Variants in DGKB observed in about 807,000 individuals in gnomAD.
DGKB encodes the protein diacylglycerol kinase beta.
DGKB carries 67 observed loss-of-function variants against 114.3 expected under a neutral mutation model. The observed-to-expected ratio is 0.59, with a 90% CI of 0.48 to 0.72. The LOEUF (loss-of-function observed/expected upper bound fraction) is 0.72. DGKB is among the 30% of genes least tolerant of loss of function. The pLI, the probability that DGKB is intolerant of heterozygous loss-of-function variation, is 0.00. For missense variants in DGKB, 907 were observed against 975.2 expected (o/e 0.93, Z 0.93); for synonymous variants, 398 against 323.1 (o/e 1.23, Z -2.49).
chr7:14,952,870 T>C (rs1786281871), intron 1 of DGKB, among the ~76,000 whole-genome samples: 1 of 152,130 alleles, frequency 6.6e-6, no homozygotes, highest in Admixed American at 6.6e-5. Context: ...GAGGATATTA[T>C]ATAAATCAAT....
At chr7:14,428,018 G>T (rs924633365) in intron 21 of DGKB, among the ~76,000 whole-genome samples, 18 of 151,510 alleles carry the variant, frequency 1.2e-4, no homozygotes, top group Non-Finnish European at 2.2e-4. Context: ...TCTATTGATG[G>T]TTCATTTATT....
At chr7:14,658,354 G>A (rs1361776579) in intron 13 of DGKB, among the ~76,000 whole-genome samples, 1 of 151,992 alleles carries the variant, frequency 6.6e-6, no homozygotes, top group Non-Finnish European at 1.5e-5. Context: ...TCATATGTGG[G>A]AGTTAAAAAG....
At chr7:14,367,002 G>C (rs1292941761) in intron 21 of DGKB, among the ~76,000 whole-genome samples, 3 of 152,108 alleles carry the variant, frequency 2.0e-5, no homozygotes, top group Non-Finnish European at 4.4e-5. Context: ...TGTGAAAGCA[G>C]TGCACATTCA....
intron 21 of DGKB, among the ~76,000 whole-genome samples, chr7:14,355,871 C>A (rs1814369793): frequency 6.6e-6 from 1 of 152,170 alleles, no homozygotes; most frequent in Non-Finnish European, 1.5e-5. Flanking sequence ...CCTCCTCGTA[C>A]CTCTGGTAGA....
intron 5 of DGKB, among the ~76,000 whole-genome samples, chr7:14,730,499 C>A (rs1413667557): frequency 6.6e-6 from 1 of 152,042 alleles, no homozygotes; most frequent in Non-Finnish European, 1.5e-5. Flanking sequence ...GCGATAAGGG[C>A]AAAGAAACAT....
intron 20 of DGKB, among the ~76,000 whole-genome samples, chr7:14,565,476 A>C (rs1266745383): frequency 6.6e-6 from 1 of 152,182 alleles, no homozygotes; most frequent in Non-Finnish European, 1.5e-5. Context: ...AATTCTCCCT[A>C]AGTGAGATAG....
intron 20 of DGKB, among the ~76,000 whole-genome samples, chr7:14,482,409 T>C (rs1470753732): frequency 4.6e-5 from 7 of 152,058 alleles, no homozygotes; most frequent in Non-Finnish European, 1.5e-5. Context: ...TGCATTCATA[T>C]ATGATAAATT....
chr7:14,888,011 T>C (rs1780583838), intron 1 of DGKB, among the ~76,000 whole-genome samples: 1 of 151,712 alleles, frequency 6.6e-6, no homozygotes, highest in Non-Finnish European at 1.5e-5. Context: ...ATTAAATGCT[T>C]TTTGGCTGCT....
chr7:14,435,671 G>A (rs1027417278), intron 21 of DGKB, among the ~76,000 whole-genome samples: 1 of 151,982 alleles, frequency 6.6e-6, no homozygotes, highest in Admixed American at 6.6e-5. Context: ...TTGTGCCCAT[G>A]TCCACATACT....
At chr7:14,699,660 T>C (rs1313299800) in intron 7 of DGKB, among the ~76,000 whole-genome samples, 1 of 152,138 alleles carries the variant, frequency 6.6e-6, no homozygotes, top group East Asian at 1.9e-4. Flanking sequence ...ACCTTAAAGG[T>C]ACCAAGACAC....
In DGKB at chr7:14,308,142, T is replaced by C. The variant is rs543975781; in HGVS notation, c.2122+30373A>G. On this transcript the variant is annotated intron_variant, in intron 23 of 25. Transcript: ENST00000402815. The stretch of plus-strand genomic sequence containing the variant: ...AGAATGTATATATTTTAAAAGAAAA[T>C]CATAAAGATAACCCGTATAGTTTTA... Among the ~76,000 whole-genome samples the C allele has an allele frequency of 1.7e-3, 255 of 152,176 alleles. 1 individual carries two copies. The highest frequency in any genetic ancestry group is 5.8e-3 in the African/African-American group (242 of 41,554).
intron 21 of DGKB, among the ~76,000 whole-genome samples, chr7:14,363,064 A>C (rs1027248099): frequency 1.3e-5 from 2 of 152,284 alleles, no homozygotes; most frequent in South Asian, 4.1e-4. Context: ...TAATAAGCCC[A>C]GGATGGAAAA....
intron 23 of DGKB, among the ~76,000 whole-genome samples, chr7:14,238,742 T>C (rs902700089): frequency 2.6e-4 from 39 of 152,078 alleles, no homozygotes; most frequent in Admixed American, 1.9e-3. Context: ...GTCTGGGTGG[T>C]TGAATTGCTG....
chr7:14,598,666 G>T (rs184156057), intron 17 of DGKB, among the ~76,000 whole-genome samples: 43 of 152,192 alleles, frequency 2.8e-4, no homozygotes, highest in African/African-American at 5.3e-4. Flanking sequence ...TTATTTAAAA[G>T]ACATTTTATT....
chr7:14,229,493 T>C (rs1179357351), intron 23 of DGKB, among the ~76,000 whole-genome samples: 1 of 152,008 alleles, frequency 6.6e-6, no homozygotes, highest in Admixed American at 6.6e-5. Flanking sequence ...TAGAGTTGTA[T>C]ATGCAGTTGT....
chr7:14,924,568 A>G lies in DGKB; in HGVS notation c.-188+50128T>C, dbSNP rs192888849. ...TTTTCCTCTCCGAGCTGCATTCTTG[A>G]TGACTTGGTCAGATCTATCTTAATA... On this transcript the variant is annotated intron_variant, in intron 1 of 4. Coordinates refer to the DGKB transcript ENST00000437998. Among the ~76,000 whole-genome samples, 842 of 152,232 alleles carry G rather than the reference A, an allele frequency of 5.5e-3. 3 individuals are homozygous for G. Among genetic ancestry groups the G allele is most frequent in the Non-Finnish European group, 9.2e-3 (629 of 68,018 alleles).
intron 21 of DGKB, among the ~76,000 whole-genome samples, chr7:14,439,201 C>A (rs1415856685): frequency 6.6e-6 from 1 of 152,076 alleles, no homozygotes; most frequent in Non-Finnish European, 1.5e-5. Flanking sequence ...TGGCCTCATT[C>A]CTGGTATTAG....
At chr7:14,498,195 C>G (rs559282288) in intron 20 of DGKB, among the ~76,000 whole-genome samples, 115 of 151,928 alleles carry the variant, frequency 7.6e-4, no homozygotes, top group African/African-American at 2.7e-3. Context: ...CCTAGTGAAG[C>G]AAATTTGCCA....
At chr7:14,321,266 G>T (rs1807737891) in intron 23 of DGKB, among the ~76,000 whole-genome samples, 1 of 152,018 alleles carries the variant, frequency 6.6e-6, no homozygotes, top group African/African-American at 2.4e-5. Context: ...ACTTCAGCCT[G>T]GGCAACAGAG....
Sources: gnomAD v4.1 joint callset for allele counts (sites outside exome capture counted in the v4.1 genomes callset) on GRCh38, gnomAD v4.1.1 for gene constraint, MANE v1.5 for transcripts, NCBI Gene and HGNC (gene_info 2026-07-23, HGNC 2026-07-21) for gene names.